The following DGKB variants were observed in gnomAD, a reference collection of about 807,000 sequenced individuals.
DGKB encodes the protein diacylglycerol kinase beta, also known as 90 kDa diacylglycerol kinase.
Under a neutral mutation model 114.3 loss-of-function variants are expected in DGKB, and 67 were observed. The ratio of observed to expected loss-of-function variants is 0.59; its 90% CI spans 0.48 to 0.72. The LOEUF (loss-of-function observed/expected upper bound fraction) is 0.72. Ranked by LOEUF, DGKB falls within the 30% of genes least tolerant of loss-of-function variation. The probability of loss-of-function intolerance (pLI) is 0.00; values close to 1 mark genes in which losing one functional copy is unlikely to be tolerated. For synonymous variants in DGKB, 398 were observed against 323.1 expected, an observed-to-expected ratio of 1.23 and a Z score of -2.49; for missense variants, 907 against 975.2, an observed-to-expected ratio of 0.93 and a Z score of 0.93.
chr7:14,778,347 T>G (rs904523419), intron 2 of DGKB, among the ~76,000 whole-genome samples: 30 of 152,048 alleles, frequency 2.0e-4, no homozygotes, highest in African/African-American at 7.0e-4. Context: ...ACCCACGACC[T>G]GTTTTCTTGT....
chr7:14,222,266 T>G (rs749995227), intron 23 of DGKB, among the ~76,000 whole-genome samples: 12 of 150,972 alleles, frequency 7.9e-5, no homozygotes, highest in Non-Finnish European at 1.3e-4. Context: ...ATTTAAGCTG[T>G]TTTTTTCTTA....
At chr7:14,168,722 A>C (rs1780342175) in intron 25 of DGKB, among the ~76,000 whole-genome samples, 2 of 152,224 alleles carry the variant, frequency 1.3e-5, no homozygotes, top group South Asian at 4.1e-4. Flanking sequence ...AGCTGGATGC[A>C]GGCATGCGTA....
intron 13 of DGKB, among the ~76,000 whole-genome samples, chr7:14,631,263 C>CAAAAAAAAAAAAAAAAAAAAAAAAAAAAA (rs35088925): frequency 1.0e-5 from 1 of 98,432 alleles, no homozygotes. Flanking sequence ...CAGCAAGAAC[C>CAAAAAAAAAAAAAAAAAAAAAAAAAAAAA]AAAAAAAAAA....
chr7:14,310,067 C>T (rs1371529083), intron 23 of DGKB, among the ~76,000 whole-genome samples: 2 of 152,134 alleles, frequency 1.3e-5, no homozygotes, highest in African/African-American at 2.4e-5. Context: ...AATTCCAGAA[C>T]TGCCACGGAA....
In DGKB at chr7:14,736,918, C is replaced by A. The variant is rs183996455; in HGVS notation, c.169-724G>T. ...CCTCAAGCTTAATGAGAGCGTTTCACAGGAGCCATAGTGAAGAGCTTGGTT... is the reference window on the plus strand; with the variant it reads ...CCTCAAGCTTAATGAGAGCGTTTCAAAGGAGCCATAGTGAAGAGCTTGGTT... On this transcript the variant is annotated intron_variant, in intron 4 of 25. Coordinates refer to ENST00000402815, the MANE Select transcript of DGKB (RefSeq NM_001350709.2). Among the ~76,000 whole-genome samples, 199 of 152,302 alleles carry A rather than the reference C, an allele frequency of 1.3e-3. 1 individual carries two copies. Among genetic ancestry groups the A allele is most frequent in the African/African-American group, 4.5e-3 (189 of 41,570 alleles).
intron 23 of DGKB, among the ~76,000 whole-genome samples, chr7:14,279,210 G>A (rs909539376): frequency 2.0e-5 from 3 of 149,028 alleles, no homozygotes; most frequent in Non-Finnish European, 2.9e-5. Flanking sequence ...ATTATATCCC[G>A]CACGTGGCTC....
intron 21 of DGKB, among the ~76,000 whole-genome samples, chr7:14,365,820 A>C (rs577623610): frequency 6.6e-6 from 1 of 152,252 alleles, no homozygotes; most frequent in South Asian, 2.1e-4. Context: ...TGGTTGCTAG[A>C]GCCAATTAGT....
intron 17 of DGKB, among the ~76,000 whole-genome samples, chr7:14,592,230 C>T (rs1032387312): frequency 6.6e-6 from 1 of 151,866 alleles, no homozygotes; most frequent in Admixed American, 6.6e-5. Flanking sequence ...TACATATTTA[C>T]ATCTCTTTGT....
intron 1 of DGKB, among the ~76,000 whole-genome samples, chr7:14,930,797 A>G (rs1784976838): frequency 6.6e-6 from 1 of 152,070 alleles, no homozygotes; most frequent in Non-Finnish European, 1.5e-5. Flanking sequence ...TCTTAGAGGG[A>G]ATGATTTCAA....
chr7:14,479,871 A>T (rs954939719), intron 20 of DGKB, among the ~76,000 whole-genome samples: 2 of 152,104 alleles, frequency 1.3e-5, no homozygotes, highest in African/African-American at 4.8e-5. Flanking sequence ...CTTCCAATTA[A>T]AGGCATACAT....
intron 21 of DGKB, among the ~76,000 whole-genome samples, chr7:14,471,928 A>G (rs1781475559): frequency 6.6e-6 from 1 of 152,128 alleles, no homozygotes; most frequent in Admixed American, 6.6e-5. Context: ...AATAAATCAC[A>G]TACTTCTGAC....
chr7:14,402,763 G>C (rs1231567679), intron 21 of DGKB, among the ~76,000 whole-genome samples: 1 of 151,830 alleles, frequency 6.6e-6, no homozygotes, highest in East Asian at 1.9e-4. Context: ...TTATAGATAT[G>C]ATTAACATGT....
intron 23 of DGKB, among the ~76,000 whole-genome samples, chr7:14,193,901 T>C (rs910277724): frequency 1.3e-5 from 2 of 152,048 alleles, no homozygotes; most frequent in Non-Finnish European, 2.9e-5. Flanking sequence ...TTAATAGACA[T>C]TCTCAAAAGA....
At chr7:14,767,267 T>C (rs1301724164) in intron 2 of DGKB, among the ~76,000 whole-genome samples, 1 of 151,690 alleles carries the variant, frequency 6.6e-6, no homozygotes, top group East Asian at 1.9e-4. Context: ...TAAGAGAGAA[T>C]GCAATCTTCT....
At chr7:14,753,895 A>G in intron 4 of DGKB, 33 bp downstream of exon 4, 1 of 1,331,670 alleles carries the variant, frequency 7.5e-7, no homozygotes, top group Non-Finnish European at 1.1e-6. Flanking sequence ...AAGAAAGAAA[A>G]GACAGACTTT....
intron 5 of DGKB, among the ~76,000 whole-genome samples, chr7:14,721,519 G>A (rs10279420): frequency 0.53 from 80,453 of 151,262 alleles, 21,757 homozygotes; most frequent in East Asian, 0.87. Context: ...TTATCACATG[G>A]AATACGGTTA....
chr7:14,336,717 T>G (rs1051141816), intron 23 of DGKB, among the ~76,000 whole-genome samples: 2 of 152,118 alleles, frequency 1.3e-5, no homozygotes, highest in African/African-American at 4.8e-5. Context: ...TGTGTGTTCC[T>G]GAAAAAAAAT....
intron 8 of DGKB, among the ~76,000 whole-genome samples, chr7:14,696,299 C>T (rs1319899679): frequency 3.3e-5 from 5 of 151,778 alleles, no homozygotes; most frequent in Non-Finnish European, 7.4e-5. Context: ...CGAGACCATC[C>T]TGGCTAACAC....
At chr7:14,656,168 C>T (rs1027840480) in intron 13 of DGKB, among the ~76,000 whole-genome samples, 1 of 151,454 alleles carries the variant, frequency 6.6e-6, no homozygotes, top group African/African-American at 2.4e-5. Context: ...ATTATGGTAA[C>T]TATAGATAAA....
Sources: gnomAD v4.1 joint callset for allele counts (sites outside exome capture counted in the v4.1 genomes callset) on GRCh38, gnomAD v4.1.1 for gene constraint, MANE v1.5 for transcripts, NCBI Gene and HGNC (gene_info 2026-07-23, HGNC 2026-07-21) for gene names.